NDUFAF5: variants seen among roughly 807,000 people sequenced by gnomAD.
NDUFAF5 encodes NADH:ubiquinone oxidoreductase complex assembly factor 5.
Under a neutral mutation model 48.9 loss-of-function variants are expected in NDUFAF5, and 34 were observed. The ratio of observed to expected loss-of-function variants is 0.70; its 90% CI spans 0.53 to 0.93. NDUFAF5 has a LOEUF of 0.93. Among genes scored for constraint, NDUFAF5 ranks in the 40% least tolerant of loss-of-function variants. The pLI is 0.00. For missense variants in NDUFAF5, 428 were observed against 427.5 expected, an observed-to-expected ratio of 1.00 and a Z score of -0.01; for synonymous variants, 153 against 150.6, an observed-to-expected ratio of 1.02 and a Z score of -0.12.
At chr20:13,788,802 A>C (rs1056043274) in intron 3 of NDUFAF5, 150 bp downstream of exon 3, 5 of 587,454 alleles carry the variant, frequency 8.5e-6, no homozygotes, top group African/African-American at 1.9e-5. Context: ...TGGTAGAATC[A>C]ATGGTGGTTT....
At chr20:13,806,769 T>C (rs1185770219) in intron 7 of NDUFAF5, among the ~76,000 whole-genome samples, 10 of 152,232 alleles carry the variant, frequency 6.6e-5, no homozygotes, top group African/African-American at 2.4e-4. Flanking sequence ...TGAATGTTCA[T>C]GGTCTCACTA....
chr20:13,793,203 A>G lies in NDUFAF5; in HGVS notation c.351A>G (p.Gln117=). The G allele has an allele frequency of 6.2e-7, 1 of 1,613,988 alleles. No homozygotes were observed. The highest frequency in any genetic ancestry group is 1.7e-5 in the Admixed American group (1 of 60,032). Residue 117 remains glutamine, a synonymous_variant, in exon 4 of 11, where the codon CAA becomes CAG. Transcript: ENST00000378106. ...AGGAAACTATTGGAAAGTTTTTCCA[A>G]GCTGACATTGCAGAAAATGCTTTGG... is the stretch of plus-strand genomic sequence containing the variant. ...LNKETIGKFF[Q]ADIAENALKN...
Position 13,787,306 on chromosome 20 carries a change from C to A in NDUFAF5, c.223-6C>A. On this transcript the variant is annotated splice_polypyrimidine_tract_variant and splice_region_variant and intron_variant, in intron 1 of 10. Coordinates refer to ENST00000378106, the MANE Select transcript of NDUFAF5 (RefSeq NM_024120.5). ...CCGTTAACCTACGCCTCGTGTAATC[C>A]TTCAGGTTGGAAGTCGGATCGCAGA... 6.2e-7 allele frequency: 1 copy of A among 1,614,008 alleles called. No individual in the cohort carries two copies. The highest frequency in any genetic ancestry group is 2.2e-5 in the East Asian group (1 of 44,870).
intron 9 of NDUFAF5, 155 bp downstream of exon 9, chr20:13,816,701 A>G: frequency 1.3e-6 from 1 of 775,780 alleles, no homozygotes; most frequent in Admixed American, 2.0e-5. Context: ...AGCTTTTTCC[A>G]GACAGCCTTT....
Position 13,817,638 on chromosome 20 carries a change from CCCT to C in NDUFAF5, c.*433_*435del, listed in dbSNP as rs770545628. 59 of 454,516 alleles carry C rather than the reference CCCT, an allele frequency of 1.3e-4. No individual in the cohort carries two copies. The highest frequency in any genetic ancestry group is 2.6e-4 in the Admixed American group (11 of 42,558). 28.2% of individuals were successfully genotyped at this position (454,516 alleles called of 1,614,324 possible). A position where few individuals can be genotyped will look rare whatever the true frequency, so the allele number is the denominator to read the frequency against. ...AGAAGAGCATGTATCTTTATTAAAT[CCCT>C]CCTCAACTCTTTTTTTTTAAAGCAT... On this transcript the variant is annotated 3_prime_UTR_variant, in exon 11 of 11. Transcript: ENST00000378106.
chr20:13,792,549 G>A (rs894740025), intron 3 of NDUFAF5, among the ~76,000 whole-genome samples: 4 of 152,198 alleles, frequency 2.6e-5, no homozygotes, highest in African/African-American at 9.6e-5. Flanking sequence ...ACAACCAGAA[G>A]GTACCTAGAG....
At chr20:13,804,170 G>A (rs1984652778) in intron 7 of NDUFAF5, among the ~76,000 whole-genome samples, 5 of 152,148 alleles carry the variant, frequency 3.3e-5, no homozygotes. Context: ...TAGTAACAGA[G>A]CTAGATTCTC....
At chr20:13,786,290 C>G (rs1981104735) in intron 1 of NDUFAF5, among the ~76,000 whole-genome samples, 1 of 152,148 alleles carries the variant, frequency 6.6e-6, no homozygotes, top group Non-Finnish European at 1.5e-5. Context: ...AAGTCTTAGG[C>G]TGGTAATGTC....
chr20:13,804,925 A>G (rs1221410004), intron 7 of NDUFAF5, among the ~76,000 whole-genome samples: 1 of 152,244 alleles, frequency 6.6e-6, no homozygotes, highest in Non-Finnish European at 1.5e-5. Context: ...GAAAGTACCC[A>G]TGGTTTTCAT....
At position 13,785,061 on chromosome 20, in the gene NDUFAF5, A is replaced by T; in HGVS notation, c.-8A>T. 1 of 1,609,126 alleles carries T rather than the reference A, an allele frequency of 6.2e-7. No individual in the cohort carries two copies. The highest frequency in any genetic ancestry group is 8.5e-7 in the Non-Finnish European group (1 of 1,179,000). Reference sequence around the variant, plus strand: ...AAAAAGCGCCGGCAATTGGGGTCGCAGCTGGAGATGCTGCGGCCGGCAGGG... The same window carrying T: ...AAAAAGCGCCGGCAATTGGGGTCGCTGCTGGAGATGCTGCGGCCGGCAGGG... On this transcript the variant is annotated 5_prime_UTR_variant, in exon 1 of 11. Coordinates refer to ENST00000378106, the MANE Select transcript of NDUFAF5 (RefSeq NM_024120.5).
In NDUFAF5 at chr20:13,801,699, G is replaced by A. The variant is rs749510733; in HGVS notation, c.717+16G>A. 3.6e-5 allele frequency: 57 copies of A among 1,603,464 alleles called. No individual in the cohort carries two copies. The highest frequency in any genetic ancestry group is 3.8e-5 in the Non-Finnish European group (45 of 1,170,668). On this transcript the variant is annotated intron_variant, in intron 7 of 10. Transcript: ENST00000378106. Reference sequence around the variant, plus strand: ...TCTGACTGTGGTAACTATCAAGTTCGATTAACCCATAACTTACACAGTTCA... The same window carrying A: ...TCTGACTGTGGTAACTATCAAGTTCAATTAACCCATAACTTACACAGTTCA...
In NDUFAF5 at chr20:13,785,078, C is replaced by A. The variant is rs770433586; in HGVS notation, c.10C>A (p.Pro4Thr). The part of the protein sequence containing the change: MLR[P>T]AGLWRLCRRP... ...GGGGTCGCAGCTGGAGATGCTGCGG[C>A]CGGCAGGGCTCTGGCGCTTATGTCG... Residue 4 changes from proline (P) to threonine (T), a missense_variant, in exon 1 of 11, where the codon CCG (proline) becomes ACG (threonine). Pro to Thr is a conservative substitution (Grantham distance 38, BLOSUM62 -1). Coordinates refer to ENST00000378106, the MANE Select transcript of NDUFAF5 (RefSeq NM_024120.5). 1 of 1,611,298 alleles carries A rather than the reference C, an allele frequency of 6.2e-7. No individual in the cohort carries two copies. The highest frequency in any genetic ancestry group is 1.3e-5 in the African/African-American group (1 of 74,908).
chr20:13,801,140 A>G (rs1984056477), intron 6 of NDUFAF5, among the ~76,000 whole-genome samples: 1 of 152,130 alleles, frequency 6.6e-6, no homozygotes, highest in South Asian at 2.1e-4. Flanking sequence ...AGATGCAGGG[A>G]GGTTTGTGAT....
chr20:13,816,137 A>C, intron 8 of NDUFAF5: 1 of 398,240 alleles, frequency 2.5e-6, no homozygotes, highest in Non-Finnish European at 4.8e-6. Flanking sequence ...GTTCTTGCCA[A>C]TTGCTGACAA....
rs1022330002 is a variant in NDUFAF5 at position 13,819,595 on chromosome 20, T to C, written c.*2385T>C. 6.6e-6 allele frequency: 1 copy of C among 152,346 alleles called. No homozygotes were observed. The highest frequency in any genetic ancestry group is 2.4e-5 in the African/African-American group (1 of 41,460). The allele number at this position is 152,346 out of a possible 1,614,324, so 9.4% of individuals were successfully genotyped here. ...TGTTGGCCAGGATGGTCTCAATCTC[T>C]TGACCTTGTGATCTGCCCACCTTGG... is the stretch of plus-strand genomic sequence containing the variant. On this transcript the variant is annotated 3_prime_UTR_variant, in exon 11 of 11. Coordinates refer to ENST00000378106, the MANE Select transcript of NDUFAF5 (RefSeq NM_024120.5).
At position 13,788,591 on chromosome 20, in the gene NDUFAF5, A is replaced by T. The variant is rs577302957; in HGVS notation, c.266A>T (p.Asn89Ile). 6.2e-7 allele frequency: 1 copy of T among 1,610,134 alleles called. No homozygotes were observed. The highest frequency in any genetic ancestry group is 2.2e-5 in the East Asian group (1 of 44,804). ...IADRVYDIPR[N>I]FPLALDLGCG... ...AACCTCTGTGTCTTTTTTTTTAGAA[A>T]TTTCCCCCTTGCTTTGGATCTTGGT... The change falls in exon 3 of 11, where the codon AAT becomes ATT. Residue 89 changes from asparagine to isoleucine, a missense_variant and splice_region_variant. Transcript: ENST00000378106.
chr20:13,817,256 G>A lies in NDUFAF5; in HGVS notation c.*46G>A. On this transcript the variant is annotated 3_prime_UTR_variant, in exon 11 of 11. Transcript: ENST00000378106. Reference sequence around the variant, plus strand: ...TCGTCCAGAATTTTCATCAGAAATGGATAGCTTTAACATCTAAAATTATTA... The same window carrying A: ...TCGTCCAGAATTTTCATCAGAAATGAATAGCTTTAACATCTAAAATTATTA... The A allele has an allele frequency of 7.3e-7, 1 of 1,375,514 alleles. No homozygotes were observed. The highest frequency in any genetic ancestry group is 1.0e-6 in the Non-Finnish European group (1 of 962,506). 85.2% of individuals were successfully genotyped at this position (1,375,514 alleles called of 1,614,324 possible).
rs755535789 is a variant in NDUFAF5 at position 13,794,839 on chromosome 20, A to G, written c.377A>G (p.Lys126Arg). The part of the protein sequence containing the change: ...FQADIAENAL[K>R]NSSETEIPTV... ...GATCTTTCGTTTTCTTAACATTAGAAAAATTCCTCAGAAACAGAAATACCT... is the reference window on the plus strand; with the variant it reads ...GATCTTTCGTTTTCTTAACATTAGAGAAATTCCTCAGAAACAGAAATACCT... Residue 126 changes from lysine (K) to arginine (R), a missense_variant and splice_region_variant, in exon 5 of 11, where the codon AAA (lysine) becomes AGA (arginine). Physicochemically the swap from Lys to Arg is conservative, Grantham distance 26 (BLOSUM62 2). Transcript: ENST00000378106. The G allele has an allele frequency of 6.3e-7, 1 of 1,593,792 alleles. No individual in the cohort carries two copies. The highest frequency in any genetic ancestry group is 1.7e-5 in the Admixed American group (1 of 59,980).
At chr20:13,811,159 G>A (rs1029266060) in intron 8 of NDUFAF5, among the ~76,000 whole-genome samples, 4 of 152,156 alleles carry the variant, frequency 2.6e-5, no homozygotes, top group Non-Finnish European at 4.4e-5. Flanking sequence ...GGAAGAAAAG[G>A]GAAGTGGGAA....
Sources: gnomAD v4.1 joint callset for allele counts (sites outside exome capture counted in the v4.1 genomes callset) on GRCh38, gnomAD v4.1.1 for gene constraint, MANE v1.5 for transcripts, NCBI Gene and HGNC (gene_info 2026-07-23, HGNC 2026-07-21) for gene names.